EPB41: variants seen among roughly 807,000 people sequenced by gnomAD.
EPB41 encodes erythrocyte membrane protein band 4.1.
EPB41 carries 65 observed loss-of-function variants against 108.0 expected under a neutral mutation model. The ratio of observed to expected loss-of-function variants is 0.60; its 90% confidence interval spans 0.49 to 0.74. The LOEUF is 0.74. Ranked by LOEUF, EPB41 falls within the 30% of genes least tolerant of loss-of-function variation. The probability of loss-of-function intolerance (pLI) is 0.00; values close to 1 mark genes in which losing one functional copy is unlikely to be tolerated. For missense variants in EPB41, 875 were observed against 1,037.0 expected (o/e 0.84, Z 2.15); for synonymous variants, 336 against 358.9 (o/e 0.94, Z 0.72).
At chr1:29,012,468 G>C (rs1286177517) in intron 5 of EPB41, among the ~76,000 whole-genome samples, 2 of 152,168 alleles carry the variant, frequency 1.3e-5, no homozygotes, top group Non-Finnish European at 2.9e-5. Flanking sequence ...TTGTGGCTTT[G>C]CTCCTAGCTC....
At chr1:29,034,973 GTT>G (rs10580931) in intron 9 of EPB41, among the ~76,000 whole-genome samples, 12,788 of 86,950 alleles carry the variant, frequency 0.15, 378 homozygotes, top group East Asian at 0.38. Context: ...TTTGTTTGTT[GTT>G]TTTTTTTTTT....
chr1:28,931,884 TC>T (rs760461770), intron 1 of EPB41, among the ~76,000 whole-genome samples: 10 of 152,240 alleles, frequency 6.6e-5, no homozygotes, highest in Non-Finnish European at 1.5e-4. Context: ...AATTCAGTCT[TC>T]CTTTTAGCTT....
In EPB41 at chr1:29,115,651, C is replaced by T; in HGVS notation, c.2497-48C>T. The stretch of plus-strand genomic sequence containing the variant: ...AAATGATGACCACTGCCTTCCTTCG[C>T]CATCAGGCTATTTTCTGCCTCATTG... On this transcript the variant is annotated intron_variant, in intron 19 of 20. Transcript: ENST00000343067. This position sits in a 1 kb window ranked among gnomAD's most constrained non-coding sequence, Gnocchi z 4.4. The T allele has an allele frequency of 1.4e-6, 2 of 1,475,138 alleles. No individual in the cohort carries two copies. The highest frequency in any genetic ancestry group is 1.9e-6 in the Non-Finnish European group (2 of 1,055,068). 91.4% of individuals were successfully genotyped at this position (1,475,138 alleles called of 1,614,324 possible).
intron 12 of EPB41, among the ~76,000 whole-genome samples, chr1:29,056,107 G>A (rs1558175000): frequency 2.6e-5 from 4 of 151,124 alleles, no homozygotes; most frequent in Admixed American, 2.0e-4. Context: ...GGTGGCAGGC[G>A]CGTGTAGTCT....
At chr1:29,068,061 G>A (rs938758631) in intron 16 of EPB41, among the ~76,000 whole-genome samples, 1 of 152,168 alleles carries the variant, frequency 6.6e-6, no homozygotes, top group Admixed American at 6.5e-5. Flanking sequence ...TTGATTTAGA[G>A]GGTCTGGCTA....
intron 1 of EPB41, among the ~76,000 whole-genome samples, chr1:28,949,331 C>G (rs1217537649): frequency 1.3e-5 from 2 of 152,022 alleles, no homozygotes; most frequent in African/African-American, 4.8e-5. Flanking sequence ...GTAGTTCCAG[C>G]TACTTGGGAG....
chr1:29,035,466 T>G (rs1362744853), intron 9 of EPB41, among the ~76,000 whole-genome samples: 2 of 152,120 alleles, frequency 1.3e-5, no homozygotes, highest in Non-Finnish European at 2.9e-5. Flanking sequence ...CCCTGTTCAT[T>G]GAACAGTGTC....
Position 29,018,546 on chromosome 1 carries a change from G to A in EPB41, c.1124+104G>A. 2 of 1,164,468 alleles carry A rather than the reference G, an allele frequency of 1.7e-6. No homozygotes were observed. Among genetic ancestry groups the A allele is most frequent in the Non-Finnish European group, 2.6e-6 (2 of 780,472 alleles). 72.1% of individuals were successfully genotyped at this position (1,164,468 alleles called of 1,614,324 possible). A position where few individuals can be genotyped will look rare whatever the true frequency, so the allele number is the denominator to read the frequency against. ...GCCTAAGAGGGATCATGGTGCCATA[G>A]AAAGAGTCAGTTTCCTCCACTGTTT... On this transcript the variant is annotated intron_variant, in intron 7 of 20. Transcript: ENST00000343067. The surrounding 1 kb of genome is among the most constrained non-coding windows in gnomAD (Gnocchi z 4.4).
Position 29,097,943 on chromosome 1 carries a change from A to G in EPB41, c.2313+8A>G, listed in dbSNP as rs370900368. ...ACTTATGAGGCTGCCCAGGTAGGAC[A>G]TGTTTTGATGCTTCAGAACCAAAGG... On this transcript the variant is annotated splice_region_variant and intron_variant, in intron 17 of 20. Coordinates refer to ENST00000343067, the MANE Select transcript of EPB41 (RefSeq NM_001376013.1). The G allele has an allele frequency of 4.3e-6, 7 of 1,613,882 alleles. No individual in the cohort carries two copies. In the African/African-American group the frequency reaches 6.7e-5, roughly 15 times the overall value.
chr1:28,929,101 T>G (rs565662016), intron 1 of EPB41, among the ~76,000 whole-genome samples: 17 of 152,256 alleles, frequency 1.1e-4, no homozygotes, highest in Non-Finnish European at 2.1e-4. Context: ...ACATAGTACC[T>G]GTCACATAAT....
intron 1 of EPB41, among the ~76,000 whole-genome samples, chr1:28,943,655 A>G (rs1056495043): frequency 5.3e-5 from 8 of 152,088 alleles, no homozygotes; most frequent in Non-Finnish European, 1.2e-4. Flanking sequence ...TTTCAGGAAA[A>G]AAAAAAACAA....
intron 4 of EPB41, among the ~76,000 whole-genome samples, chr1:29,001,080 G>A (rs2096284788): frequency 6.6e-6 from 1 of 152,162 alleles, no homozygotes; most frequent in Non-Finnish European, 1.5e-5. Context: ...GCTCATGCCT[G>A]TAATCCCAGC....
intron 1 of EPB41, among the ~76,000 whole-genome samples, chr1:28,902,596 C>A (rs2091418014): frequency 6.6e-6 from 1 of 152,152 alleles, no homozygotes; most frequent in African/African-American, 2.4e-5. Flanking sequence ...CTGCTATTTT[C>A]CCCAGACAGT....
intron 1 of EPB41, among the ~76,000 whole-genome samples, chr1:28,929,852 T>C (rs2093650534): frequency 6.7e-6 from 1 of 148,612 alleles, no homozygotes; most frequent in Non-Finnish European, 1.5e-5. Flanking sequence ...TCTTTTTTTT[T>C]TTTTTTTTTT....
chr1:29,008,093 C>G (rs747636067), intron 4 of EPB41, among the ~76,000 whole-genome samples: 14 of 151,852 alleles, frequency 9.2e-5, no homozygotes, highest in Non-Finnish European at 1.6e-4. Flanking sequence ...ATTTTTTTCT[C>G]CTTTATAACA....
intron 9 of EPB41, among the ~76,000 whole-genome samples, chr1:29,034,882 A>T (rs1300039598): frequency 6.6e-6 from 1 of 152,122 alleles, no homozygotes; most frequent in Non-Finnish European, 1.5e-5. Flanking sequence ...ACCACAAAAA[A>T]ATAATAAGTG....
In EPB41 at chr1:28,887,773, C is replaced by A. The variant is rs910745436; in HGVS notation, c.-8+563C>A. The A allele has an allele frequency of 2.5e-6, 2 of 810,042 alleles. No homozygotes were observed. Among genetic ancestry groups the A allele is most frequent in the Non-Finnish European group, 3.0e-6 (2 of 669,494 alleles). The allele number at this position is 810,042 out of a possible 1,614,324, so 50.2% of individuals were successfully genotyped here. A position where few individuals can be genotyped will look rare whatever the true frequency, so the allele number is the denominator to read the frequency against. ...CGCCGGCTGTGCCCGCCAGGGTGGCCCCCCCGGCCGTCGCGCCAGCCCCAC... is the reference window on the plus strand; with the variant it reads ...CGCCGGCTGTGCCCGCCAGGGTGGCACCCCCGGCCGTCGCGCCAGCCCCAC... On this transcript the variant is annotated intron_variant, in intron 1 of 16. Transcript: ENST00000347529. The surrounding 1 kb of genome is among the most constrained non-coding windows in gnomAD (Gnocchi z 4.9).
At chr1:29,016,485 G>A (rs189304312) in intron 6 of EPB41, among the ~76,000 whole-genome samples, 302 of 151,572 alleles carry the variant, frequency 2.0e-3, no homozygotes, top group African/African-American at 7.0e-3. Flanking sequence ...CACTGCACCC[G>A]GCCCCACCAT....
At chr1:28,895,818 C>T (rs918062149) in intron 1 of EPB41, among the ~76,000 whole-genome samples, 3 of 152,180 alleles carry the variant, frequency 2.0e-5, no homozygotes, top group African/African-American at 7.2e-5. Flanking sequence ...GTGAAACTCT[C>T]ATATTTCTCC....
Sources: gnomAD v4.1 joint callset for allele counts (sites outside exome capture counted in the v4.1 genomes callset) on GRCh38, gnomAD v4.1.1 for gene constraint, Gnocchi (gnomAD v3.1) non-coding constraint, MANE v1.5 for transcripts, NCBI Gene and HGNC (gene_info 2026-07-23, HGNC 2026-07-21) for gene names.